AP3B1: variants seen among roughly 807,000 people sequenced by gnomAD.
AP3B1 encodes the protein AP-3 complex subunit beta-1.
Under a neutral mutation model 132.5 loss-of-function variants are expected in AP3B1, and 61 were observed. The observed-to-expected ratio is 0.46, with a 90% CI of 0.37 to 0.57. AP3B1 has a LOEUF of 0.57. Among genes scored for constraint, AP3B1 ranks in the 20% least tolerant of loss-of-function variants. AP3B1 has a pLI of 0.00. For synonymous variants in AP3B1, 388 were observed against 438.3 expected (o/e 0.89, Z 1.43); for missense variants, 1,120 against 1,289.4 (o/e 0.87, Z 2.01).
intron 11 of AP3B1, among the ~76,000 whole-genome samples, chr5:78,166,221 C>T (rs937143006): frequency 6.6e-6 from 1 of 151,764 alleles, no homozygotes; most frequent in African/African-American, 2.4e-5. Context: ...TTCAGGTCAA[C>T]TTAGTCTACC....
chr5:78,196,609 T>C (rs1201647609), intron 7 of AP3B1, among the ~76,000 whole-genome samples: 1 of 152,212 alleles, frequency 6.6e-6, no homozygotes. Flanking sequence ...AACTAGAAAG[T>C]GCTCAAAATG....
chr5:78,134,149 CAAAAA>C (rs397961933), intron 15 of AP3B1, among the ~76,000 whole-genome samples: 1 of 74,216 alleles, frequency 1.3e-5, no homozygotes. Flanking sequence ...AGACTCGCCT[CAAAAA>C]AAAAAAAAAA....
In AP3B1 at chr5:78,129,113, GATA is replaced by G; in HGVS notation, c.1837+5_1837+7del. The G allele has an allele frequency of 1.9e-6, 3 of 1,609,342 alleles. No homozygotes were observed. Among genetic ancestry groups the G allele is most frequent in the Non-Finnish European group, 2.5e-6 (3 of 1,177,348 alleles). ...AACATATATTTTGGAGTTATATTCT[GATA>G]ATACCTTTAAAAGGAGACTCAAGCA... On this transcript the variant is annotated splice_donor_5th_base_variant and intron_variant, in intron 16 of 26. Coordinates refer to ENST00000255194, the MANE Select transcript of AP3B1 (RefSeq NM_003664.5).
chr5:78,237,895 C>T (rs983947549), intron 3 of AP3B1, among the ~76,000 whole-genome samples: 2 of 152,198 alleles, frequency 1.3e-5, no homozygotes. Context: ...CTGAGAAATG[C>T]GTCGTTGGAC....
intron 2 of AP3B1, among the ~76,000 whole-genome samples, chr5:78,244,608 G>A (rs1403981694): frequency 6.6e-6 from 1 of 152,160 alleles, no homozygotes; most frequent in Non-Finnish European, 1.5e-5. Context: ...GACAGCACTG[G>A]TTAGCAATAT....
At chr5:78,250,695 A>G (rs1306256148) in intron 2 of AP3B1, among the ~76,000 whole-genome samples, 1 of 152,196 alleles carries the variant, frequency 6.6e-6, no homozygotes, top group Non-Finnish European at 1.5e-5. Flanking sequence ...ATATGGGGAA[A>G]AAGTTGGATA....
intron 22 of AP3B1, among the ~76,000 whole-genome samples, chr5:78,059,801 A>G (rs924456079): frequency 2.0e-5 from 3 of 152,202 alleles, no homozygotes; most frequent in Non-Finnish European, 4.4e-5. Context: ...TGAGGCTTCA[A>G]TTTAATGCAC....
intron 22 of AP3B1, among the ~76,000 whole-genome samples, chr5:78,055,494 C>T (rs1394928202): frequency 6.6e-6 from 1 of 152,112 alleles, no homozygotes; most frequent in Non-Finnish European, 1.5e-5. Context: ...CTGCATGTGA[C>T]AGTGTGTTGC....
At chr5:78,158,877 T>C (rs1743271919) in intron 13 of AP3B1, among the ~76,000 whole-genome samples, 1 of 152,146 alleles carries the variant, frequency 6.6e-6, no homozygotes. Flanking sequence ...TTTGTATTTT[T>C]AGTAGAGATG....
intron 2 of AP3B1, among the ~76,000 whole-genome samples, chr5:78,262,384 T>G (rs1748131724): frequency 1.3e-5 from 2 of 152,228 alleles, no homozygotes; most frequent in African/African-American, 4.8e-5. Context: ...TTGATCCATT[T>G]TGGTTTATTT....
At chr5:78,037,757 G>T (rs1747865708) in intron 23 of AP3B1, among the ~76,000 whole-genome samples, 1 of 152,114 alleles carries the variant, frequency 6.6e-6, no homozygotes, top group Non-Finnish European at 1.5e-5. Flanking sequence ...ATTATAAAAA[G>T]GAGCTCTCTG....
intron 22 of AP3B1, among the ~76,000 whole-genome samples, chr5:78,060,070 A>G (rs1226306926): frequency 6.6e-6 from 1 of 152,184 alleles, no homozygotes; most frequent in African/African-American, 2.4e-5. Context: ...GAAAAATATC[A>G]ATAGTAAGTA....
chr5:78,025,073 C>G (rs1202961247), intron 24 of AP3B1, among the ~76,000 whole-genome samples: 2 of 152,192 alleles, frequency 1.3e-5, no homozygotes, highest in East Asian at 1.9e-4. Context: ...TATATACACA[C>G]ACATATATAA....
At position 78,141,300 on chromosome 5, in the gene AP3B1, C is replaced by T. The variant is rs750231255; in HGVS notation, c.1493G>A (p.Ser498Asn). 1 of 1,613,508 alleles carries T rather than the reference C, an allele frequency of 6.2e-7. No homozygotes were observed. Among genetic ancestry groups the T allele is most frequent in the Non-Finnish European group, 8.5e-7 (1 of 1,179,658 alleles). Residue 498 changes from serine (S) to asparagine (N), a missense_variant, in exon 15 of 27, where the codon AGT becomes AAT. This residue lies in a region of AP3B1 where 906 missense variants were observed against 997.1 expected (regional missense o/e 0.91). Transcript: ENST00000255194. ...GTTTTCTCCAATTAGCCAAAGAATA[C>T]TTGCTCTAGCAACAGGAACCTAATA... ...DSITVPVARA[S>N]ILWLIGENCE...
chr5:78,161,257 G>C (rs1231910469), intron 13 of AP3B1, among the ~76,000 whole-genome samples: 1 of 151,570 alleles, frequency 6.6e-6, no homozygotes, highest in Non-Finnish European at 1.5e-5. Flanking sequence ...AAAATCCAAA[G>C]CTTGAAATTT....
At chr5:78,224,744 A>G (rs936349754) in intron 6 of AP3B1, among the ~76,000 whole-genome samples, 4 of 152,102 alleles carry the variant, frequency 2.6e-5, no homozygotes, top group African/African-American at 9.7e-5. Context: ...AAACAAAAAA[A>G]TGTTACTAGA....
intron 2 of AP3B1, among the ~76,000 whole-genome samples, chr5:78,259,544 A>G (rs1747993518): frequency 6.6e-6 from 1 of 152,228 alleles, no homozygotes; most frequent in African/African-American, 2.4e-5. Flanking sequence ...TGTAACTCAG[A>G]AGGAAAAAGG....
At chr5:78,022,457 T>C (rs905326803) in intron 24 of AP3B1, among the ~76,000 whole-genome samples, 4 of 152,152 alleles carry the variant, frequency 2.6e-5, no homozygotes, top group Non-Finnish European at 5.9e-5. Flanking sequence ...TGGGGGAACA[T>C]TGCAGAGTAT....
rs771283896 is a variant in AP3B1, at chr5:78,039,069, A to G, written c.2783T>C (p.Met928Thr). ...TATTGGATTAAAAACATGCATTTTC[A>G]TGCCTATAGGAAGTTTTTTTTCCCC... ...HIGEKKLPIG[M>T]KMHVFNPIDS... The change falls in exon 23 of 27, where the codon ATG (methionine) becomes ACG (threonine). Residue 928 changes from methionine (M) to threonine (T), a missense_variant. By Grantham distance (81) the Met-to-Thr change is moderately conservative. Coordinates refer to ENST00000255194, the MANE Select transcript of AP3B1 (RefSeq NM_003664.5). The G allele has an allele frequency of 8.8e-6, 14 of 1,599,310 alleles. No homozygotes were observed. The South Asian group carries it at 1.6e-4, about 18-fold the overall frequency.
Sources: gnomAD v4.1 joint callset for allele counts (sites outside exome capture counted in the v4.1 genomes callset) on GRCh38, gnomAD v4.1.1 for gene constraint, gnomAD v4.1.1 regional missense constraint, MANE v1.5 for transcripts, NCBI Gene and HGNC (gene_info 2026-07-23, HGNC 2026-07-21) for gene names.